Variants in C10orf90 observed in about 807,000 individuals in gnomAD.
C10orf90 encodes the protein (E2-independent) E3 ubiquitin-conjugating enzyme FATS.
A neutral mutation model predicts 62.5 loss-of-function variants in C10orf90; 56 were observed. The ratio of observed to expected loss-of-function variants is 0.90; its 90% confidence interval spans 0.72 to 1.12. The LOEUF is 1.12. Among genes scored for constraint, C10orf90 ranks in the 50% most tolerant of loss-of-function variants. C10orf90 has a pLI of 0.00. For synonymous variants in C10orf90, 386 were observed against 340.4 expected (o/e 1.13, Z -1.47); for missense variants, 970 against 880.4 (o/e 1.10, Z -1.29).
chr10:126,547,525 C>T (rs1206125810), intron 2 of C10orf90, among the ~76,000 whole-genome samples: 1 of 139,386 alleles, frequency 7.2e-6, no homozygotes, highest in African/African-American at 2.8e-5. Flanking sequence ...ACAATAGATG[C>T]CGACACTGAG....
At chr10:126,466,353 AACACACACACACACACAAACAC>A (rs1033837212) in intron 4 of C10orf90, among the ~76,000 whole-genome samples, 4 of 142,052 alleles carry the variant, frequency 2.8e-5, no homozygotes, top group African/African-American at 8.6e-5. Context: ...CTCTACTAAA[AACACACACACACACACAAACAC>A]ACACACACAC....
At chr10:126,572,912 G>A (rs1412863526) in intron 2 of C10orf90, among the ~76,000 whole-genome samples, 1 of 151,996 alleles carries the variant, frequency 6.6e-6, no homozygotes, top group Admixed American at 6.5e-5. Context: ...TCCACCCCTT[G>A]GTTTAGCATA....
At chr10:126,560,655 C>G (rs1864880521) in intron 2 of C10orf90, among the ~76,000 whole-genome samples, 1 of 152,154 alleles carries the variant, frequency 6.6e-6, no homozygotes, top group Non-Finnish European at 1.5e-5. Context: ...GAGACGCCTG[C>G]TCTTCTGTGC....
At chr10:126,555,711 A>ATTT (rs1188186964) in intron 2 of C10orf90, among the ~76,000 whole-genome samples, 1 of 150,282 alleles carries the variant, frequency 6.7e-6, no homozygotes, top group African/African-American at 2.5e-5. Context: ...TAAATAAATA[A>ATTT]ATAAATAAAA....
In C10orf90 at chr10:126,576,747, TACATATAG is replaced by T. The variant is rs1306922723; in HGVS notation, c.314-62816_314-62809del. Among the ~76,000 whole-genome samples the T allele has an allele frequency of 2.8e-3, 219 of 78,508 alleles. 11 individuals are homozygous for T. Among genetic ancestry groups the T allele is most frequent in the African/African-American group, 0.012 (200 of 17,068 alleles). 51.5% of individuals were successfully genotyped at this position (78,508 alleles called of 152,430 possible). ...ATACATATATATGTATATGTATATA[TACATATAG>T]ATAATATGTATATGTACATATACAT... On this transcript the variant is annotated intron_variant, in intron 2 of 9. Transcript: ENST00000488181.
intron 2 of C10orf90, among the ~76,000 whole-genome samples, chr10:126,550,666 C>T (rs1382555976): frequency 2.6e-5 from 4 of 151,996 alleles, no homozygotes; most frequent in Admixed American, 6.6e-5. Flanking sequence ...TGTGCCACCA[C>T]GCCCAGCTAA....
chr10:126,518,047 C>T (rs1863536939), intron 2 of C10orf90, among the ~76,000 whole-genome samples: 1 of 84,218 alleles, frequency 1.2e-5, no homozygotes, highest in African/African-American at 5.4e-5. Flanking sequence ...TCAGGTTTCC[C>T]TCACTCTTGT....
intron 2 of C10orf90, among the ~76,000 whole-genome samples, chr10:126,519,325 T>C (rs1161512804): frequency 6.6e-6 from 1 of 152,220 alleles, no homozygotes. Flanking sequence ...AAAAATTATG[T>C]CTAATTCCAA....
At chr10:126,484,557 TA>T (rs1482551342) in intron 4 of C10orf90, among the ~76,000 whole-genome samples, 1 of 152,188 alleles carries the variant, frequency 6.6e-6, no homozygotes, top group Non-Finnish European at 1.5e-5. Context: ...AGTGTAGAGA[TA>T]TATACACTCA....
chr10:126,580,652 C>CA (rs58927719), intron 2 of C10orf90, among the ~76,000 whole-genome samples: 33,293 of 134,822 alleles, frequency 0.25, 4,962 homozygotes, highest in African/African-American at 0.43. Flanking sequence ...GGCTCTGTCT[C>CA]AAAAAAAAAA....
chr10:126,531,762 G>T (rs6597777), intron 2 of C10orf90, among the ~76,000 whole-genome samples: 121,182 of 152,102 alleles, frequency 0.8, 48,964 homozygotes, highest in Middle Eastern at 0.92. Context: ...AACTATAAAA[G>T]AAAAAGAAGG....
chr10:126,645,705 T>G (rs572885908), intron 2 of C10orf90, among the ~76,000 whole-genome samples: 1 of 152,290 alleles, frequency 6.6e-6, no homozygotes, highest in East Asian at 1.9e-4. Flanking sequence ...AGTGTCAGTT[T>G]TGGAAAGGAA....
chr10:126,495,284 GA>G (rs1861981610), intron 4 of C10orf90, among the ~76,000 whole-genome samples: 1 of 152,172 alleles, frequency 6.6e-6, no homozygotes. Flanking sequence ...GGCACTTTGG[GA>G]GGCCGAGACG....
intron 2 of C10orf90, among the ~76,000 whole-genome samples, chr10:126,638,465 T>C (rs1326246693): frequency 1.3e-5 from 2 of 152,106 alleles, no homozygotes; most frequent in African/African-American, 4.8e-5. Flanking sequence ...GTCTCAACTT[T>C]CTGTCACACC....
intron 4 of C10orf90, among the ~76,000 whole-genome samples, chr10:126,501,942 AAC>A (rs879923504): frequency 1.3e-5 from 2 of 150,516 alleles, no homozygotes; most frequent in Admixed American, 6.6e-5. Context: ...CCTAGGGATA[AAC>A]ACACACACAC....
chr10:126,440,459 T>C (rs954550505), intron 7 of C10orf90, among the ~76,000 whole-genome samples: 132 of 152,210 alleles, frequency 8.7e-4, no homozygotes, highest in African/African-American at 2.9e-3. Context: ...CTACCCACCC[T>C]GGTATCGAAC....
intron 7 of C10orf90, among the ~76,000 whole-genome samples, chr10:126,457,503 G>A (rs1859661907): frequency 6.6e-6 from 1 of 152,168 alleles, no homozygotes; most frequent in Non-Finnish European, 1.5e-5. Context: ...AAGGTCTCTG[G>A]GTCTCTGTTT....
At chr10:126,560,116 C>T (rs377000091) in intron 2 of C10orf90, among the ~76,000 whole-genome samples, 8 of 152,186 alleles carry the variant, frequency 5.3e-5, no homozygotes, top group African/African-American at 1.7e-4. Flanking sequence ...TATTTCTATA[C>T]AACTGCTCCA....
intron 4 of C10orf90, among the ~76,000 whole-genome samples, chr10:126,488,828 C>G (rs1861568742): frequency 6.6e-6 from 1 of 151,816 alleles, no homozygotes; most frequent in Non-Finnish European, 1.5e-5. Context: ...CACAAATTGC[C>G]CAAACACTTA....
Sources: gnomAD v4.1 joint callset for allele counts (sites outside exome capture counted in the v4.1 genomes callset) on GRCh38, gnomAD v4.1.1 for gene constraint, MANE v1.5 for transcripts, NCBI Gene and HGNC (gene_info 2026-07-23, HGNC 2026-07-21) for gene names.